The following ALKBH1 variants were observed in gnomAD, a reference collection of about 807,000 sequenced individuals.
The protein encoded by ALKBH1 is nucleic acid dioxygenase ALKBH1.
ALKBH1 carries 31 observed loss-of-function variants against 36.6 expected under a neutral mutation model. That is an observed-to-expected ratio of 0.85 (90% CI 0.64 to 1.14). ALKBH1 has a LOEUF of 1.14. Ranked by LOEUF, ALKBH1 falls within the 50% of genes most tolerant of loss-of-function variation. The pLI is 0.00. For synonymous variants in ALKBH1, 183 were observed against 186.6 expected, an observed-to-expected ratio of 0.98 and a Z score of 0.16; for missense variants, 490 against 497.3, an observed-to-expected ratio of 0.99 and a Z score of 0.14.
intron 3 of ALKBH1, among the ~76,000 whole-genome samples, chr14:77,686,445 T>C (rs778014643): frequency 7.0e-4 from 106 of 152,284 alleles, no homozygotes; most frequent in Non-Finnish European, 1.3e-3. Context: ...ACCCTAATTA[T>C]TGGGTCTCAC....
chr14:77,691,409 T>C (rs547810489), intron 3 of ALKBH1, among the ~76,000 whole-genome samples: 1 of 152,274 alleles, frequency 6.6e-6, no homozygotes, highest in South Asian at 2.1e-4. Flanking sequence ...GGGAACTGTT[T>C]TGAACTCAAC....
In ALKBH1 at chr14:77,674,246, A is replaced by C; in HGVS notation, c.741-5T>G. 1 of 1,547,462 alleles carries C rather than the reference A, an allele frequency of 6.5e-7. No homozygotes were observed. The highest frequency in any genetic ancestry group is 8.7e-7 in the Non-Finnish European group (1 of 1,148,742). On this transcript the variant is annotated splice_region_variant and splice_polypyrimidine_tract_variant and intron_variant, in intron 5 of 5. Transcript: ENST00000216489. ...AAGATGGCGGACTGTCCAAAGCTAC[A>C]AAAAATAAGTAAAAACACACAACAA...
At chr14:77,678,624 T>C (rs2080219312) in intron 4 of ALKBH1, among the ~76,000 whole-genome samples, 1 of 152,162 alleles carries the variant, frequency 6.6e-6, no homozygotes, top group African/African-American at 2.4e-5. Context: ...TTTTTCATTT[T>C]ATTCTTATAA....
chr14:77,693,220 A>AG (rs2080307865), intron 3 of ALKBH1, among the ~76,000 whole-genome samples: 1 of 127,550 alleles, frequency 7.8e-6, no homozygotes, highest in East Asian at 2.2e-4. Context: ...AAAAAAAAAA[A>AG]AAAATTTTTT....
At chr14:77,701,839 C>T (rs1400805091) in intron 2 of ALKBH1, among the ~76,000 whole-genome samples, 2 of 152,144 alleles carry the variant, frequency 1.3e-5, no homozygotes, top group African/African-American at 4.8e-5. Context: ...TATAATGGGA[C>T]ACCCACCCAA....
In ALKBH1 at chr14:77,681,415, C is replaced by T. The variant is rs2080237474; in HGVS notation, c.456-1445G>A. 2.0e-5 allele frequency among the ~76,000 whole-genome samples: 3 copies of T among 152,136 alleles called. No individual in the cohort carries two copies. The South Asian group carries it at 6.2e-4, about 31-fold the overall frequency. ...CAGTAGGCAATATGGGCACACAGCACAAGCAAAAGCAAAGGATTTATTGAG... is the reference window on the plus strand; with the variant it reads ...CAGTAGGCAATATGGGCACACAGCATAAGCAAAAGCAAAGGATTTATTGAG... On this transcript the variant is annotated intron_variant, in intron 3 of 5. Transcript: ENST00000216489.
chr14:77,681,537 A>G (rs1222099313), intron 3 of ALKBH1, among the ~76,000 whole-genome samples: 1 of 152,258 alleles, frequency 6.6e-6, no homozygotes, highest in Non-Finnish European at 1.5e-5. Flanking sequence ...TAAGAAAGAC[A>G]TCATGACACA....
At chr14:77,686,315 A>C (rs1424532168) in intron 3 of ALKBH1, among the ~76,000 whole-genome samples, 4 of 152,248 alleles carry the variant, frequency 2.6e-5, no homozygotes, top group African/African-American at 7.2e-5. Context: ...TGACTTGTCC[A>C]AAAGGAGGTC....
chr14:77,698,294 T>G (rs1442005513), intron 2 of ALKBH1, among the ~76,000 whole-genome samples: 1 of 152,026 alleles, frequency 6.6e-6, no homozygotes, highest in African/African-American at 2.4e-5. Flanking sequence ...TGGAAGAGGT[T>G]TAAGAAGGTG....
Position 77,707,997 on chromosome 14 carries a change from T to C in ALKBH1, c.8A>G (p.Lys3Arg). The change falls in exon 1 of 6, where the codon AAG becomes AGG. Residue 3 changes from lysine to arginine, a missense_variant. Physicochemically the swap from Lys to Arg is conservative, Grantham distance 26 (BLOSUM62 2). Coordinates refer to ENST00000216489, the MANE Select transcript of ALKBH1 (RefSeq NM_006020.3). The part of the protein sequence containing the change: MG[K>R]MAAAVGSVAT... ...CACAGAGCCCACGGCCGCTGCCATC[T>C]TCCCCATCTCGCGGCCTATACCCTC... 6.2e-7 allele frequency: 1 copy of C among 1,609,500 alleles called. No homozygotes were observed. The highest frequency in any genetic ancestry group is 8.5e-7 in the Non-Finnish European group (1 of 1,177,108).
rs369618979 is a variant in ALKBH1 at position 77,690,636 on chromosome 14, C to G, written c.455+4102G>C. On this transcript the variant is annotated intron_variant, in intron 3 of 5. Transcript: ENST00000216489. ...CTGGCTTTGAAGTCTGGAATATATACTAGAGGGTTGCATTTAAAGTTTTTT... is the reference window on the plus strand; with the variant it reads ...CTGGCTTTGAAGTCTGGAATATATAGTAGAGGGTTGCATTTAAAGTTTTTT... 3.0e-4 allele frequency among the ~76,000 whole-genome samples: 46 copies of G among 152,270 alleles called. 1 individual carries two copies. In the East Asian group the frequency reaches 4.8e-3, roughly 16 times the overall value.
rs538778897 is a variant in ALKBH1 at position 77,680,451 on chromosome 14, A to C, written c.456-481T>G. Among the ~76,000 whole-genome samples, 469 of 152,316 alleles carry C rather than the reference A, an allele frequency of 3.1e-3. 2 individuals carry two copies. The highest frequency in any genetic ancestry group is 5.9e-3 in the Non-Finnish European group (398 of 68,032). On this transcript the variant is annotated intron_variant, in intron 3 of 5. Transcript: ENST00000216489. ...AGGTTGGGGAAAAAAAAAGTTTAGC[A>C]AAATATAGTGTATAGTACAATAAAA... is the stretch of plus-strand genomic sequence containing the variant.
intron 3 of ALKBH1, among the ~76,000 whole-genome samples, chr14:77,681,924 ATGCACCTGGTTTTTCCTGGACTT>A (rs1039084406): frequency 6.6e-6 from 1 of 152,204 alleles, no homozygotes; most frequent in African/African-American, 2.4e-5. Context: ...TTTTGGAGGC[ATGCACCTGGTTTTTCCTGGACTT>A]TGCTCCAGGT....
At chr14:77,695,647 C>T (rs2080322749) in intron 2 of ALKBH1, among the ~76,000 whole-genome samples, 1 of 152,202 alleles carries the variant, frequency 6.6e-6, no homozygotes, top group Non-Finnish European at 1.5e-5. Context: ...GTGACAGTTG[C>T]TTCCTGCAGT....
chr14:77,674,050 G>A lies in ALKBH1; in HGVS notation c.932C>T (p.Ala311Val). 3 of 1,614,220 alleles carry A rather than the reference G, an allele frequency of 1.9e-6. No individual in the cohort carries two copies. The highest frequency in any genetic ancestry group is 2.5e-6 in the Non-Finnish European group (3 of 1,180,044). Residue 311 changes from alanine (A) to valine (V), a missense_variant, in exon 6 of 6, where the codon GCT becomes GTT. Coordinates refer to ENST00000216489, the MANE Select transcript of ALKBH1 (RefSeq NM_006020.3). ...TACCATTGAATCTCTCGGGAGGACA[G>A]CAGGGAGAGGTGCCTCTAGGCAGTG... ...LPHCLEAPLP[A>V]VLPRDSMVEP...
intron 3 of ALKBH1, among the ~76,000 whole-genome samples, chr14:77,690,474 G>T (rs1460041371): frequency 2.0e-5 from 3 of 152,206 alleles, no homozygotes; most frequent in African/African-American, 7.2e-5. Context: ...ATCAAGGTGG[G>T]CCCTTGGAAC....
chr14:77,675,263 T>C (rs2080198561), intron 5 of ALKBH1, among the ~76,000 whole-genome samples: 1 of 150,322 alleles, frequency 6.7e-6, no homozygotes, highest in African/African-American at 2.5e-5. Flanking sequence ...TGAAACCCCA[T>C]CTCTACTAAA....
At chr14:77,691,180 ACT>A (rs1206196739) in intron 3 of ALKBH1, among the ~76,000 whole-genome samples, 2 of 152,138 alleles carry the variant, frequency 1.3e-5, no homozygotes, top group Middle Eastern at 3.2e-3. Flanking sequence ...GAATTGAGGT[ACT>A]CTAATTTTTT....
intron 3 of ALKBH1, among the ~76,000 whole-genome samples, chr14:77,682,276 C>T (rs1182715619): frequency 6.6e-6 from 1 of 152,148 alleles, no homozygotes; most frequent in East Asian, 1.9e-4. Context: ...GTTTATTCAG[C>T]TAAAGGTACA....
Sources: gnomAD v4.1 joint callset for allele counts (sites outside exome capture counted in the v4.1 genomes callset) on GRCh38, gnomAD v4.1.1 for gene constraint, MANE v1.5 for transcripts, NCBI Gene and HGNC (gene_info 2026-07-23, HGNC 2026-07-21) for gene names.